Variants in GPC5 observed in about 807,000 individuals in gnomAD.
The protein encoded by GPC5 is glypican-5.
In GPC5, 47 loss-of-function variants were observed where a neutral mutation model predicts 53.9. The observed-to-expected ratio is 0.87, with a 90% CI of 0.69 to 1.11. The LOEUF is 1.11. Among genes scored for constraint, GPC5 ranks in the 50% most tolerant of loss-of-function variants. The pLI, the probability that GPC5 is intolerant of heterozygous loss-of-function variation, is 0.00. For missense variants in GPC5, 748 were observed against 713.1 expected, an observed-to-expected ratio of 1.05 and a Z score of -0.56; for synonymous variants, 286 against 263.3, an observed-to-expected ratio of 1.09 and a Z score of -0.84.
intron 2 of GPC5, among the ~76,000 whole-genome samples, chr13:91,456,186 C>G (rs1466270615): frequency 2.6e-5 from 4 of 152,178 alleles, no homozygotes; most frequent in African/African-American, 9.6e-5. Context: ...AAACTGAATG[C>G]TTTTTGATCA....
intron 5 of GPC5, among the ~76,000 whole-genome samples, chr13:91,788,177 T>C (rs1172440816): frequency 6.6e-6 from 1 of 152,258 alleles, no homozygotes; most frequent in Non-Finnish European, 1.5e-5. Context: ...AACAAGGTGC[T>C]GACATGTTTA....
chr13:92,612,261 C>T (rs138973705), intron 7 of GPC5, among the ~76,000 whole-genome samples: 3 of 152,196 alleles, frequency 2.0e-5, no homozygotes, highest in Admixed American at 6.5e-5. Flanking sequence ...TCAGAGCAAT[C>T]AAAGCACATC....
chr13:91,426,800 A>G (rs1337469917), intron 1 of GPC5, among the ~76,000 whole-genome samples: 2 of 152,114 alleles, frequency 1.3e-5, no homozygotes, highest in African/African-American at 4.8e-5. Context: ...TGTCTCTCCT[A>G]GTCCACTGAT....
intron 2 of GPC5, among the ~76,000 whole-genome samples, chr13:91,587,729 T>G (rs952465539): frequency 1.3e-5 from 2 of 152,168 alleles, no homozygotes; most frequent in African/African-American, 4.8e-5. Flanking sequence ...CTTCTTCTAA[T>G]GAGATCATAA....
chr13:91,423,219 AGT>A (rs750121342), intron 1 of GPC5, among the ~76,000 whole-genome samples: 2 of 152,250 alleles, frequency 1.3e-5, no homozygotes, highest in African/African-American at 2.4e-5. Flanking sequence ...GAAATGGTAT[AGT>A]GTACTGGTTA....
At chr13:92,664,854 T>C (rs935964849) in intron 7 of GPC5, among the ~76,000 whole-genome samples, 1 of 152,138 alleles carries the variant, frequency 6.6e-6, no homozygotes, top group Non-Finnish European at 1.5e-5. Flanking sequence ...TCTAGATGAC[T>C]AGATATAAAA....
chr13:92,139,003 T>C (rs1020699209), intron 6 of GPC5, among the ~76,000 whole-genome samples: 7 of 152,206 alleles, frequency 4.6e-5, no homozygotes, highest in African/African-American at 1.7e-4. Flanking sequence ...TTTTTGTACA[T>C]ATTAAAAAGG....
intron 7 of GPC5, among the ~76,000 whole-genome samples, chr13:92,389,645 GC>G (rs772150553): frequency 6.6e-5 from 10 of 152,036 alleles, no homozygotes; most frequent in Non-Finnish European, 5.9e-5. Context: ...GTTCCACACT[GC>G]TAACTACTAG....
chr13:91,590,862 G>A (rs2032770840), intron 2 of GPC5, among the ~76,000 whole-genome samples: 1 of 152,076 alleles, frequency 6.6e-6, no homozygotes, highest in African/African-American at 2.4e-5. Context: ...TAATTTATAT[G>A]ATTGAACCTC....
At chr13:92,520,741 C>A (rs1881008570) in intron 7 of GPC5, among the ~76,000 whole-genome samples, 1 of 152,156 alleles carries the variant, frequency 6.6e-6, no homozygotes, top group Admixed American at 6.5e-5. Flanking sequence ...TGCCCTCTCT[C>A]ACCAATCCTG....
chr13:91,612,977 A>G (rs141248467), intron 2 of GPC5, among the ~76,000 whole-genome samples: 176 of 152,298 alleles, frequency 1.2e-3, no homozygotes, highest in Middle Eastern at 6.8e-3. Context: ...GATTCATACA[A>G]TCCTTCACTC....
chr13:92,281,630 C>A (rs1325106606), intron 7 of GPC5, among the ~76,000 whole-genome samples: 1 of 152,202 alleles, frequency 6.6e-6, no homozygotes, highest in African/African-American at 2.4e-5. Context: ...GATACCCAGG[C>A]AAACAGGGTC....
intron 5 of GPC5, among the ~76,000 whole-genome samples, chr13:91,817,157 C>CA (rs1401428181): frequency 6.6e-6 from 1 of 152,102 alleles, no homozygotes; most frequent in Non-Finnish European, 1.5e-5. Context: ...TGATTTCCCC[C>CA]AAAACACCAA....
chr13:91,481,971 T>C (rs1367000321), intron 2 of GPC5, among the ~76,000 whole-genome samples: 2 of 152,188 alleles, frequency 1.3e-5, no homozygotes, highest in African/African-American at 4.8e-5. Context: ...CTGATTCAAA[T>C]TTGACAGCCT....
intron 7 of GPC5, among the ~76,000 whole-genome samples, chr13:92,263,846 GT>G (rs2042782685): frequency 6.6e-6 from 1 of 152,036 alleles, no homozygotes. Flanking sequence ...TAGCAACTGG[GT>G]TTTTCCCTGG....
chr13:91,611,881 G>T (rs9523378), intron 2 of GPC5, among the ~76,000 whole-genome samples: 77,516 of 152,014 alleles, frequency 0.51, 23,749 homozygotes, highest in Non-Finnish European at 0.67. Flanking sequence ...ACACTGCTGG[G>T]CCTCTGTGTT....
intron 7 of GPC5, among the ~76,000 whole-genome samples, chr13:92,613,346 A>G (rs1183371425): frequency 9.7e-6 from 1 of 102,794 alleles, no homozygotes; most frequent in Non-Finnish European, 1.8e-5. Flanking sequence ...ATATATTTAT[A>G]TATAAATATA....
chr13:91,981,897 A>G (rs534845326), intron 6 of GPC5, among the ~76,000 whole-genome samples: 1 of 152,350 alleles, frequency 6.6e-6, no homozygotes, highest in East Asian at 1.9e-4. Context: ...TTGAAGGATA[A>G]GAGTTAGCTC....
intron 5 of GPC5, among the ~76,000 whole-genome samples, chr13:91,757,573 G>A (rs763062470): frequency 5.9e-5 from 9 of 152,008 alleles, no homozygotes; most frequent in Admixed American, 2.0e-4. Flanking sequence ...GGTTTTATAC[G>A]GGGCTTCCCC....
Sources: gnomAD v4.1 joint callset for allele counts (sites outside exome capture counted in the v4.1 genomes callset) on GRCh38, gnomAD v4.1.1 for gene constraint, MANE v1.5 for transcripts, NCBI Gene and HGNC (gene_info 2026-07-23, HGNC 2026-07-21) for gene names.